The following POLR2E variants were observed in gnomAD, a reference collection of about 807,000 sequenced individuals.
POLR2E encodes the protein DNA-directed RNA polymerases I, II, and III subunit RPABC1.
Under a neutral mutation model 29.8 loss-of-function variants are expected in POLR2E, and 35 were observed. That is an observed-to-expected ratio of 1.17 (90% confidence interval 0.90 to 1.55). The LOEUF is 1.55. POLR2E is among the 40% of genes most tolerant of loss of function. The pLI, the probability that POLR2E is intolerant of heterozygous loss-of-function variation, is 0.00. For missense variants in POLR2E, 287 were observed against 288.6 expected (o/e 0.99, Z 0.04); for synonymous variants, 174 against 112.6 (o/e 1.55, Z -3.45).
rs769745442 is a variant in POLR2E at position 1,091,801 on chromosome 19, G to A, written c.339C>T (p.Ser113=). Residue 113 remains serine, a synonymous_variant, in exon 3 of 8, where the codon TCC becomes TCT. Coordinates refer to ENST00000615234, the MANE Select transcript of POLR2E (RefSeq NM_002695.5). ...LIVVQQGMTP[S]AKQSLVDMAP... The stretch of plus-strand genomic sequence containing the variant: ...GGGCAGGGGTGCCCACCTGCTTGGC[G>A]GAGGGTGTCATGCCCTGCTGCACCA... 25 of 1,606,330 alleles carry A rather than the reference G, an allele frequency of 1.6e-5. No individual in the cohort carries two copies. The highest frequency in any genetic ancestry group is 1.8e-4 in the Middle Eastern group (1 of 5,558).
At position 1,089,621 on chromosome 19, in the gene POLR2E, G is replaced by A. The variant is rs1036915394; in HGVS notation, c.568-70C>T. 78 of 1,331,316 alleles carry A rather than the reference G, an allele frequency of 5.9e-5. No individual in the cohort carries two copies. In the Admixed American group the frequency reaches 1.2e-3, roughly 21 times the overall value. The allele number at this position is 1,331,316 out of a possible 1,614,324, so 82.5% of individuals were successfully genotyped here. A position where few individuals can be genotyped will look rare whatever the true frequency, so the allele number is the denominator to read the frequency against. ...ACTGCAGTCACCAGACAGCAGGCGGGCAGCACACGGGCTGGGGATGGCCGG... is the reference window on the plus strand; with the variant it reads ...ACTGCAGTCACCAGACAGCAGGCGGACAGCACACGGGCTGGGGATGGCCGG... On this transcript the variant is annotated intron_variant, in intron 6 of 7. Coordinates refer to ENST00000615234, the MANE Select transcript of POLR2E (RefSeq NM_002695.5).
Position 1,089,967 on chromosome 19 carries a change from G to A in POLR2E, c.489-5C>T, listed in dbSNP as rs200721795. On this transcript the variant is annotated splice_polypyrimidine_tract_variant and splice_region_variant and intron_variant, in intron 5 of 7. Coordinates refer to ENST00000615234, the MANE Select transcript of POLR2E (RefSeq NM_002695.5). Reference sequence around the variant, plus strand: ...AGCTGGTTCTCTCGGAGCTTACTGCGAAGCACCGTCAGGAAAATGCCAGAC... The same window carrying A: ...AGCTGGTTCTCTCGGAGCTTACTGCAAAGCACCGTCAGGAAAATGCCAGAC... 1.8e-4 allele frequency: 272 copies of A among 1,534,548 alleles called. 2 individuals are homozygous for A. In the Admixed American group the frequency reaches 4.2e-3, roughly 24 times the overall value.
chr19:1,095,065 C>A (rs56207266), intron 1 of POLR2E, 194 bp downstream of exon 1: 3 of 588,054 alleles, frequency 5.1e-6, no homozygotes, highest in Admixed American at 6.4e-5. Flanking sequence ...CTCGAAACCC[C>A]CTCCCTTCCC....
chr19:1,089,914 C>G lies in POLR2E; in HGVS notation c.537G>C (p.Val179=). The G allele has an allele frequency of 6.2e-7, 1 of 1,612,886 alleles. No individual in the cohort carries two copies. The highest frequency in any genetic ancestry group is 8.5e-7 in the Non-Finnish European group (1 of 1,179,934). Residue 179 remains valine (V), a synonymous_variant, in exon 6 of 8, where the codon GTG becomes GTC. Coordinates refer to ENST00000615234, the MANE Select transcript of POLR2E (RefSeq NM_002695.5). ...CACGCTTTATCCCAAAGTAGCGCGCCACAGGGTCCCCCGCCTGGATCCTGG... is the reference window on the plus strand; with the variant it reads ...CACGCTTTATCCCAAAGTAGCGCGCGACAGGGTCCCCCGCCTGGATCCTGG... ...QLPRIQAGDP[V]ARYFGIKRGQ...
Position 1,090,953 on chromosome 19 carries a change from C to T in POLR2E, c.384G>A (p.Glu128=). Residue 128 remains glutamate, a synonymous_variant, in exon 4 of 8, where the codon GAG becomes GAA. Transcript: ENST00000615234. ...LVDMAPKYIL[E]QFLQQELLIN... ...TGAGCAGCTCCTGCTGCAGAAACTG[C>T]TCCAGGATGTACTTGGGGGCCATGT... 1 of 1,613,730 alleles carries T rather than the reference C, an allele frequency of 6.2e-7. No individual in the cohort carries two copies. Among genetic ancestry groups the T allele is most frequent in the South Asian group, 1.1e-5 (1 of 91,088 alleles).
At chr19:1,094,159 G>T (rs1457894018) in intron 1 of POLR2E, 81 bp from the exon 2 acceptor site, 4 of 1,347,428 alleles carry the variant, frequency 3.0e-6, no homozygotes, top group African/African-American at 2.9e-5. Flanking sequence ...TCAGACCTGC[G>T]GCTGCTGCAG....
intron 1 of POLR2E, 74 bp downstream of exon 1, chr19:1,095,185 G>A: frequency 3.4e-6 from 5 of 1,458,038 alleles, no homozygotes; most frequent in East Asian, 2.3e-5. Flanking sequence ...ACGAGGAGAC[G>A]CCGTGCTCGA....
intron 3 of POLR2E, chr19:1,091,493 C>G (rs1713256044): frequency 6.6e-6 from 3 of 452,944 alleles, no homozygotes; most frequent in Non-Finnish European, 1.2e-5. Context: ...GAACCTCCGG[C>G]TCCTGGAATC....
At chr19:1,090,317 C>T (rs186631230) in intron 4 of POLR2E, among the ~76,000 whole-genome samples, 172 bp from the exon 5 acceptor site, 35 of 149,684 alleles carry the variant, frequency 2.3e-4, no homozygotes, top group African/African-American at 5.8e-4. Flanking sequence ...AGGCGGGGGA[C>T]GGAGTCACAG....
chr19:1,095,137 T>C, intron 1 of POLR2E, 122 bp downstream of exon 1: 3 of 1,039,056 alleles, frequency 2.9e-6, no homozygotes, highest in Non-Finnish European at 4.3e-6. Context: ...GCCTCCCGTA[T>C]CGGCCCGGCC....
chr19:1,095,067 T>A, intron 1 of POLR2E, 192 bp downstream of exon 1: 153 of 350,014 alleles, frequency 4.4e-4, no homozygotes, highest in Non-Finnish European at 5.5e-4. Context: ...CGAAACCCCC[T>A]CCCTTCCCCG....
At chr19:1,091,981 C>A in intron 2 of POLR2E, 74 bp from the exon 3 acceptor site, 1 of 1,038,164 alleles carries the variant, frequency 9.6e-7, no homozygotes, top group Non-Finnish European at 1.5e-6. Flanking sequence ...GCCCAGAGCA[C>A]CCAGGTTCCA....
chr19:1,094,402 G>A, intron 1 of POLR2E: 1 of 320,770 alleles, frequency 3.1e-6, no homozygotes, highest in Non-Finnish European at 5.7e-6. Flanking sequence ...GACAAAGGCG[G>A]GGCGCGGAGG....
chr19:1,089,777 C>G, intron 6 of POLR2E, 107 bp downstream of exon 6: 1 of 962,282 alleles, frequency 1.0e-6, no homozygotes, highest in Non-Finnish European at 1.6e-6. Context: ...AGGTCCCCTC[C>G]AGGCCCTGGA....
In POLR2E at chr19:1,087,823, G is replaced by A. The variant is rs985006356; in HGVS notation, c.*912C>T. 1 of 152,340 alleles carries A rather than the reference G, an allele frequency of 6.6e-6. No individual in the cohort carries two copies. Among genetic ancestry groups the A allele is most frequent in the Non-Finnish European group, 1.5e-5 (1 of 68,048 alleles). The allele number at this position is 152,340 out of a possible 1,614,324, so 9.4% of individuals were successfully genotyped here. A position where few individuals can be genotyped will look rare whatever the true frequency, so the allele number is the denominator to read the frequency against. On this transcript the variant is annotated 3_prime_UTR_variant, in exon 8 of 8. Transcript: ENST00000615234. ...TGAATTACATCTTAATAAAGCTACT[G>A]TGAGAGAACCACGTGGCTAGGTTAA...
chr19:1,090,006 G>C, intron 5 of POLR2E, 44 bp from the exon 6 acceptor site: 1 of 1,546,780 alleles, frequency 6.5e-7, no homozygotes, highest in Non-Finnish European at 8.8e-7. Context: ...GCCGTTGGGG[G>C]GGCAGGGGTG....
intron 4 of POLR2E, 113 bp from the exon 5 acceptor site, chr19:1,090,258 C>A (rs2043800182): frequency 2.3e-6 from 2 of 880,408 alleles, no homozygotes; most frequent in Non-Finnish European, 3.7e-6. Flanking sequence ...CTGAACCCCA[C>A]CCCGATCCCC....
At chr19:1,092,218 G>A (rs1599794895) in intron 2 of POLR2E, 3 of 316,506 alleles carry the variant, frequency 9.5e-6, no homozygotes, top group African/African-American at 6.4e-5. Context: ...GGGGAGGCGG[G>A]TGACTCAGCA....
chr19:1,091,643 G>A (rs925963470), intron 3 of POLR2E, 149 bp downstream of exon 3: 8 of 624,424 alleles, frequency 1.3e-5, no homozygotes, highest in East Asian at 2.8e-5. Context: ...GGAGGCGGTC[G>A]GGGCTTGCCG....
Sources: gnomAD v4.1 joint callset for allele counts (sites outside exome capture counted in the v4.1 genomes callset) on GRCh38, gnomAD v4.1.1 for gene constraint, MANE v1.5 for transcripts, NCBI Gene and HGNC (gene_info 2026-07-23, HGNC 2026-07-21) for gene names.